The following PDE4D variants were observed in gnomAD, a reference collection of about 807,000 sequenced individuals.
PDE4D encodes the protein phosphodiesterase 4D.
Under a neutral mutation model 87.4 loss-of-function variants are expected in PDE4D, and 24 were observed. That is an observed-to-expected ratio of 0.27 (90% CI 0.20 to 0.39). The LOEUF is 0.39. Among genes scored for constraint, PDE4D ranks in the 10% least tolerant of loss-of-function variants. PDE4D has a pLI of 1.00. For missense variants in PDE4D, 714 were observed against 1,041.0 expected (o/e 0.69, Z 4.32); for synonymous variants, 384 against 383.2 (o/e 1.00, Z -0.02).
At chr5:59,886,201 A>C (rs1197091647) in intron 1 of PDE4D, among the ~76,000 whole-genome samples, 1 of 152,238 alleles carries the variant, frequency 6.6e-6, no homozygotes. Flanking sequence ...ATTAAACTGC[A>C]ATTGATAACT....
chr5:60,078,431 T>TA (rs964395676), intron 2 of PDE4D, among the ~76,000 whole-genome samples: 25 of 151,886 alleles, frequency 1.6e-4, no homozygotes, highest in Non-Finnish European at 2.2e-4. Flanking sequence ...TTATTTCTTG[T>TA]AAAAAAAACG....
At chr5:60,387,805 G>A (rs1762297173) in intron 1 of PDE4D, among the ~76,000 whole-genome samples, 1 of 152,086 alleles carries the variant, frequency 6.6e-6, no homozygotes, top group Non-Finnish European at 1.5e-5. Flanking sequence ...ACACCAACTG[G>A]GGGTCCTCTA....
intron 1 of PDE4D, among the ~76,000 whole-genome samples, chr5:59,362,335 A>G (rs1294346710): frequency 1.3e-5 from 2 of 152,230 alleles, no homozygotes; most frequent in Admixed American, 6.5e-5. Flanking sequence ...AGTTTCAAAA[A>G]GAATATCAGT....
intron 1 of PDE4D, among the ~76,000 whole-genome samples, chr5:59,241,682 T>C (rs775178933): frequency 1.3e-5 from 2 of 152,208 alleles, no homozygotes; most frequent in African/African-American, 2.4e-5. Flanking sequence ...GACTAAGTTA[T>C]GTAGTTTAAC....
At chr5:60,358,863 G>T (rs1199705075) in intron 1 of PDE4D, among the ~76,000 whole-genome samples, 1 of 152,170 alleles carries the variant, frequency 6.6e-6, no homozygotes, top group South Asian at 2.1e-4. Flanking sequence ...GGTATTATAT[G>T]TGATATTTAG....
At chr5:59,318,614 C>T (rs1215643917) in intron 1 of PDE4D, among the ~76,000 whole-genome samples, 1 of 151,694 alleles carries the variant, frequency 6.6e-6, no homozygotes, top group African/African-American at 2.4e-5. Flanking sequence ...ACGAAGCAGA[C>T]CACAATAGTA....
At chr5:59,911,268 T>C (rs1753408624) in intron 3 of PDE4D, among the ~76,000 whole-genome samples, 1 of 152,198 alleles carries the variant, frequency 6.6e-6, no homozygotes, top group African/African-American at 2.4e-5. Context: ...ACATCACTAT[T>C]GTAAAACCTA....
intron 5 of PDE4D, among the ~76,000 whole-genome samples, chr5:59,067,999 C>T (rs763206009): frequency 6.6e-6 from 1 of 152,094 alleles, no homozygotes; most frequent in Non-Finnish European, 1.5e-5. Flanking sequence ...GAAAAACCAT[C>T]TAAGACTATC....
intron 1 of PDE4D, among the ~76,000 whole-genome samples, chr5:59,551,137 C>G (rs1818045998): frequency 6.6e-6 from 1 of 151,976 alleles, no homozygotes; most frequent in African/African-American, 2.4e-5. Flanking sequence ...AATGTATACA[C>G]ATCTATCAGA....
intron 1 of PDE4D, among the ~76,000 whole-genome samples, chr5:59,772,328 A>G (rs190976668): frequency 2.4e-4 from 37 of 152,322 alleles, no homozygotes; most frequent in African/African-American, 8.9e-4. Flanking sequence ...AACACTGTAC[A>G]GTAAGTGACA....
intron 1 of PDE4D, among the ~76,000 whole-genome samples, chr5:59,618,179 T>C (rs892837969): frequency 2.0e-5 from 3 of 152,176 alleles, no homozygotes; most frequent in South Asian, 2.1e-4. Context: ...TAGATTTTCA[T>C]TGTACACAGT....
intron 1 of PDE4D, among the ~76,000 whole-genome samples, chr5:60,396,371 A>G (rs1210388888): frequency 6.6e-6 from 1 of 152,148 alleles, no homozygotes; most frequent in Non-Finnish European, 1.5e-5. Flanking sequence ...AGACCCTGCC[A>G]CATATTTCTT....
At chr5:60,387,981 C>T (rs1028874579) in intron 1 of PDE4D, among the ~76,000 whole-genome samples, 3 of 152,138 alleles carry the variant, frequency 2.0e-5, no homozygotes, top group Non-Finnish European at 4.4e-5. Context: ...GTTTGATTAA[C>T]TGGAATTGGA....
At chr5:60,078,402 TTC>T (rs1773554507) in intron 2 of PDE4D, among the ~76,000 whole-genome samples, 2 of 152,348 alleles carry the variant, frequency 1.3e-5, no homozygotes, top group African/African-American at 4.8e-5. Flanking sequence ...GCAAGAGATT[TTC>T]TTTTTTTTCT....
chr5:60,520,289 T>C lies in PDE4D; in HGVS notation n.70+1762A>G, dbSNP rs566361041. ...TGTACCCCAACCCACCCCATTTCCA[T>C]CACAGTGGAATGCTCTCCCATGTCA... On this transcript the variant is annotated intron_variant and non_coding_transcript_variant, in intron 1 of 2. Coordinates refer to the PDE4D transcript ENST00000506510. 3.0e-4 allele frequency among the ~76,000 whole-genome samples: 45 copies of C among 152,260 alleles called. No individual in the cohort carries two copies. The South Asian group carries it at 6.4e-3, about 22-fold the overall frequency.
intron 1 of PDE4D, among the ~76,000 whole-genome samples, chr5:59,871,036 C>T (rs944160059): frequency 3.3e-5 from 5 of 152,190 alleles, no homozygotes; most frequent in African/African-American, 1.2e-4. Context: ...CTAAGATGAT[C>T]TCCAATAGCT....
intron 6 of PDE4D, among the ~76,000 whole-genome samples, 178 bp from the exon 7 acceptor site, chr5:58,993,643 T>G (rs1748456445): frequency 6.6e-6 from 1 of 152,184 alleles, no homozygotes; most frequent in South Asian, 2.1e-4. Flanking sequence ...TAATCGGTGC[T>G]GCCAATTATA....
chr5:60,458,701 G>A (rs1166796151), intron 1 of PDE4D, among the ~76,000 whole-genome samples: 1 of 151,930 alleles, frequency 6.6e-6, no homozygotes, highest in Non-Finnish European at 1.5e-5. Context: ...TAGTGTAAAG[G>A]AGAGACGTGG....
At chr5:59,236,181 C>T (rs1413581855) in intron 1 of PDE4D, among the ~76,000 whole-genome samples, 1 of 152,104 alleles carries the variant, frequency 6.6e-6, no homozygotes, top group East Asian at 1.9e-4. Flanking sequence ...CCTGCTTTTG[C>T]AATCCACTGT....
Sources: gnomAD v4.1 joint callset for allele counts (sites outside exome capture counted in the v4.1 genomes callset) on GRCh38, gnomAD v4.1.1 for gene constraint, MANE v1.5 for transcripts, NCBI Gene and HGNC (gene_info 2026-07-23, HGNC 2026-07-21) for gene names.